Variants in XKR6 observed in about 807,000 individuals in gnomAD.
XKR6 encodes the protein XK related 6.
XKR6 carries 22 observed loss-of-function variants against 56.7 expected under a neutral mutation model. The ratio of observed to expected loss-of-function variants is 0.39; its 90% confidence interval spans 0.28 to 0.55. The LOEUF is 0.55. Ranked by LOEUF, XKR6 falls within the 20% of genes least tolerant of loss-of-function variation. XKR6 has a pLI of 0.66. For synonymous variants in XKR6, 524 were observed against 387.8 expected (o/e 1.35, Z -4.13); for missense variants, 852 against 889.0 (o/e 0.96, Z 0.53).
At chr8:11,108,679 G>A (rs780904067) in intron 1 of XKR6, 30 of 213,642 alleles carry the variant, frequency 1.4e-4, no homozygotes, top group Admixed American at 4.8e-4. Flanking sequence ...GAAAAGCAAT[G>A]AGCGACCTTC....
chr8:11,102,059 T>A (rs1479028053), intron 1 of XKR6, among the ~76,000 whole-genome samples: 1 of 152,162 alleles, frequency 6.6e-6, no homozygotes, highest in Non-Finnish European at 1.5e-5. Flanking sequence ...TCTGGATGGG[T>A]CCAGGAGTGG....
At chr8:10,906,809 G>A (rs767468485) in intron 2 of XKR6, among the ~76,000 whole-genome samples, 5 of 152,168 alleles carry the variant, frequency 3.3e-5, no homozygotes, top group Non-Finnish European at 7.4e-5. Context: ...TGAGGCAGGT[G>A]GATCACAAGG....
chr8:10,928,176 G>T (rs147075668), intron 1 of XKR6, among the ~76,000 whole-genome samples: 2 of 152,152 alleles, frequency 1.3e-5, no homozygotes, highest in South Asian at 2.1e-4. Flanking sequence ...AGCCACTGCC[G>T]CCTCAGTCAC....
At chr8:10,909,834 G>A (rs1459188206) in intron 2 of XKR6, among the ~76,000 whole-genome samples, 2 of 152,274 alleles carry the variant, frequency 1.3e-5, no homozygotes, top group Middle Eastern at 3.4e-3. Context: ...TTATTTCATT[G>A]AATTTAATGG....
intron 1 of XKR6, among the ~76,000 whole-genome samples, chr8:11,172,045 C>T (rs1016158618): frequency 2.7e-5 from 4 of 150,086 alleles, no homozygotes; most frequent in East Asian, 2.0e-4. Context: ...AGAGCAAGAT[C>T]CCCTGTCAAA....
chr8:11,107,786 T>C (rs1798734969), intron 1 of XKR6: 1 of 155,502 alleles, frequency 6.4e-6, no homozygotes, highest in Non-Finnish European at 1.4e-5. Flanking sequence ...CAGACAGGAA[T>C]GTTTGCGAGG....
chr8:11,077,954 G>C (rs1311455298), intron 1 of XKR6, among the ~76,000 whole-genome samples: 1 of 152,126 alleles, frequency 6.6e-6, no homozygotes, highest in Non-Finnish European at 1.5e-5. Context: ...GGCTGGCCCT[G>C]CTGGGCAGGG....
intron 1 of XKR6, among the ~76,000 whole-genome samples, chr8:11,100,805 T>C (rs1034344610): frequency 6.6e-6 from 1 of 152,248 alleles, no homozygotes; most frequent in African/African-American, 2.4e-5. Flanking sequence ...TTGGCTATGA[T>C]TTGTCCCAAT....
chr8:11,106,969 G>C (rs1798702887), intron 1 of XKR6, among the ~76,000 whole-genome samples: 2 of 152,016 alleles, frequency 1.3e-5, no homozygotes, highest in South Asian at 4.2e-4. Flanking sequence ...TACAGGAAGG[G>C]AGACAGAAAT....
At chr8:11,098,159 C>T (rs77308262) in intron 1 of XKR6, among the ~76,000 whole-genome samples, 2,078 of 152,202 alleles carry the variant, frequency 0.014, 43 homozygotes, top group African/African-American at 0.046. Context: ...CGACCCACTC[C>T]AGAAATACCG....
chr8:11,040,325 C>T (rs1799254080), intron 1 of XKR6, among the ~76,000 whole-genome samples: 1 of 147,704 alleles, frequency 6.8e-6, no homozygotes, highest in Admixed American at 6.8e-5. Context: ...AATTTGAGAC[C>T]AGCCGGGGCA....
At chr8:11,095,551 G>C (rs1201263808) in intron 1 of XKR6, among the ~76,000 whole-genome samples, 1 of 152,170 alleles carries the variant, frequency 6.6e-6, no homozygotes, top group Non-Finnish European at 1.5e-5. Context: ...CCTTTCTTCT[G>C]GAAGCTAGAA....
chr8:11,129,024 C>G, intron 1 of XKR6: 1 of 454,610 alleles, frequency 2.2e-6, no homozygotes, highest in South Asian at 1.6e-5. Flanking sequence ...GAAACTTACA[C>G]ACAGTGAAAT....
At chr8:11,166,063 C>T (rs981566963) in intron 1 of XKR6, among the ~76,000 whole-genome samples, 2 of 151,440 alleles carry the variant, frequency 1.3e-5, no homozygotes, top group Admixed American at 6.6e-5. Context: ...TCAAGCAAAT[C>T]TCCTGCCTCA....
chr8:10,978,115 A>G (rs974617333), intron 1 of XKR6, among the ~76,000 whole-genome samples: 1 of 152,164 alleles, frequency 6.6e-6, no homozygotes, highest in African/African-American at 2.4e-5. Flanking sequence ...GCACCCACTG[A>G]GGTCCTAGTG....
intron 1 of XKR6, among the ~76,000 whole-genome samples, chr8:11,050,923 A>G (rs1799530670): frequency 6.6e-6 from 1 of 152,044 alleles, no homozygotes; most frequent in Admixed American, 6.5e-5. Flanking sequence ...CAGCCCAGAT[A>G]TTTCAAAAAT....
At chr8:11,015,990 C>A (rs1429453822) in intron 1 of XKR6, among the ~76,000 whole-genome samples, 1 of 152,128 alleles carries the variant, frequency 6.6e-6, no homozygotes, top group Admixed American at 6.5e-5. Flanking sequence ...AGGGCTCAGA[C>A]GATCCGGCTC....
intron 1 of XKR6, among the ~76,000 whole-genome samples, chr8:11,050,846 G>A (rs542993250): frequency 6.6e-6 from 1 of 151,948 alleles, no homozygotes; most frequent in African/African-American, 2.4e-5. Flanking sequence ...ATTCCCCAGT[G>A]CTGCTCCCCA....
At chr8:10,972,681 G>A (rs890362054) in intron 1 of XKR6, among the ~76,000 whole-genome samples, 1 of 152,182 alleles carries the variant, frequency 6.6e-6, no homozygotes, top group Non-Finnish European at 1.5e-5. Context: ...AGACAAAGTA[G>A]AACAGGCTTG....
Sources: allele counts gnomAD v4.1 joint callset (sites outside exome capture counted in the v4.1 genomes callset), GRCh38; gene constraint gnomAD v4.1.1; transcripts MANE v1.5; gene names NCBI Gene and HGNC (gene_info 2026-07-23, HGNC 2026-07-21).